The following GPC5 variants were observed in gnomAD, a reference collection of about 807,000 sequenced individuals.
The protein encoded by GPC5 is glypican 5, also known as glypican-5.
A neutral mutation model predicts 53.9 loss-of-function variants in GPC5; 47 were observed. That is an observed-to-expected ratio of 0.87 (90% CI 0.69 to 1.11). The LOEUF (loss-of-function observed/expected upper bound fraction) is 1.11. GPC5 is among the 50% of genes most tolerant of loss of function. GPC5 has a pLI of 0.00. For missense variants in GPC5, 748 were observed against 713.1 expected (o/e 1.05, Z -0.56); for synonymous variants, 286 against 263.3 (o/e 1.09, Z -0.84).
chr13:91,731,158 G>T (rs531045139), intron 4 of GPC5, among the ~76,000 whole-genome samples: 93 of 152,336 alleles, frequency 6.1e-4, no homozygotes, highest in Non-Finnish European at 1.1e-3. Flanking sequence ...GGAGGTAAAA[G>T]AATTTGCCAA....
chr13:91,959,021 A>G (rs1354374877), intron 6 of GPC5, among the ~76,000 whole-genome samples: 1 of 151,146 alleles, frequency 6.6e-6, no homozygotes, highest in Non-Finnish European at 1.5e-5. Context: ...GGAAAGGAAT[A>G]ACAAAGATCC....
intron 7 of GPC5, among the ~76,000 whole-genome samples, chr13:92,379,175 T>C (rs2043718127): frequency 1.3e-5 from 2 of 152,224 alleles, no homozygotes; most frequent in South Asian, 4.1e-4. Flanking sequence ...AGAGACATTC[T>C]CTTGAAACTC....
At chr13:92,776,007 C>T (rs1320821758) in intron 7 of GPC5, among the ~76,000 whole-genome samples, 1 of 152,162 alleles carries the variant, frequency 6.6e-6, no homozygotes, top group Non-Finnish European at 1.5e-5. Context: ...GGATTAGTTT[C>T]CTACAGGCGC....
chr13:91,872,501 A>T (rs1278293299), intron 5 of GPC5, among the ~76,000 whole-genome samples: 1 of 152,184 alleles, frequency 6.6e-6, no homozygotes, highest in Non-Finnish European at 1.5e-5. Flanking sequence ...AAAGATGGTT[A>T]TAGAACCTGA....
At chr13:92,418,613 C>G (rs1876424667) in intron 7 of GPC5, among the ~76,000 whole-genome samples, 1 of 152,058 alleles carries the variant, frequency 6.6e-6, no homozygotes. Flanking sequence ...ATAATATATG[C>G]TCATAAATTT....
chr13:92,363,099 C>T (rs546096900), intron 7 of GPC5, among the ~76,000 whole-genome samples: 160 of 151,700 alleles, frequency 1.1e-3, no homozygotes, highest in South Asian at 7.0e-3. Context: ...GAGAGAATCC[C>T]CTTAAGCCTT....
chr13:91,874,369 G>C (rs1014405953), intron 5 of GPC5, among the ~76,000 whole-genome samples: 22 of 151,786 alleles, frequency 1.4e-4, no homozygotes, highest in Non-Finnish European at 3.1e-4. Context: ...ACCTTTATAG[G>C]ATGTAGTCAG....
intron 1 of GPC5, among the ~76,000 whole-genome samples, chr13:91,435,495 T>C (rs1488409755): frequency 6.6e-6 from 1 of 152,236 alleles, no homozygotes; most frequent in Non-Finnish European, 1.5e-5. Context: ...TGTTTATTGA[T>C]TTGCGTATGT....
chr13:91,986,061 C>CTTTTTTTTTTTTTTTTTTTTTTT (rs779259362), intron 6 of GPC5, among the ~76,000 whole-genome samples: 1 of 95,438 alleles, frequency 1.0e-5, no homozygotes, highest in Non-Finnish European at 1.9e-5. Flanking sequence ...TTAGCCAATA[C>CTTTTTTTTTTTTTTTTTTTTTTT]TTTTTTTTTT....
At chr13:92,655,332 T>TA (rs150187547) in intron 7 of GPC5, among the ~76,000 whole-genome samples, 2 of 133,872 alleles carry the variant, frequency 1.5e-5, no homozygotes, top group African/African-American at 2.7e-5. Flanking sequence ...TTTATTTATT[T>TA]TATTTTTATT....
At chr13:92,674,825 G>C (rs1453333123) in intron 7 of GPC5, among the ~76,000 whole-genome samples, 8 of 152,020 alleles carry the variant, frequency 5.3e-5, no homozygotes, top group Admixed American at 5.2e-4. Flanking sequence ...TCACTTTAGA[G>C]AGAAAATAGC....
chr13:92,015,146 G>C (rs1356926976), intron 6 of GPC5, among the ~76,000 whole-genome samples: 1 of 152,116 alleles, frequency 6.6e-6, no homozygotes, highest in Non-Finnish European at 1.5e-5. Flanking sequence ...TTTCCTCGGG[G>C]AAAGGGTTGG....
At chr13:91,741,831 T>C (rs1027052907) in intron 4 of GPC5, among the ~76,000 whole-genome samples, 1 of 152,144 alleles carries the variant, frequency 6.6e-6, no homozygotes. Context: ...TATTCATAGG[T>C]CTGAAAAAAT....
intron 6 of GPC5, among the ~76,000 whole-genome samples, chr13:91,932,158 C>T (rs2039828095): frequency 6.6e-6 from 1 of 151,908 alleles, no homozygotes; most frequent in African/African-American, 2.4e-5. Context: ...GCAAAGAATC[C>T]AATGTTGTAT....
intron 2 of GPC5, among the ~76,000 whole-genome samples, chr13:91,577,712 G>A (rs141855212): frequency 6.6e-6 from 1 of 152,112 alleles, no homozygotes; most frequent in African/African-American, 2.4e-5. Flanking sequence ...CTAAACGTTT[G>A]TTACTATGGA....
At chr13:92,482,997 G>A (rs1162183372) in intron 7 of GPC5, among the ~76,000 whole-genome samples, 4 of 152,234 alleles carry the variant, frequency 2.6e-5, no homozygotes, top group Middle Eastern at 3.4e-3. Flanking sequence ...GCAAAGGCAC[G>A]TCTTACATGG....
chr13:92,047,861 T>C (rs962713215), intron 6 of GPC5, among the ~76,000 whole-genome samples: 8 of 147,820 alleles, frequency 5.4e-5, no homozygotes, highest in Non-Finnish European at 8.9e-5. Context: ...CGTGGTGGCA[T>C]GCACCTGTAA....
At position 92,837,444 on chromosome 13, in the gene GPC5, T is replaced by C. The variant is rs150883047; in HGVS notation, c.1562-28838T>C. On this transcript the variant is annotated intron_variant, in intron 7 of 7. Coordinates refer to ENST00000377067, the MANE Select transcript of GPC5 (RefSeq NM_004466.6). ...TCTTAAAAAGATGAGTTGATTTATA[T>C]AGCAGATTTAACTTGCCCTTTACTT... 1.1e-3 allele frequency among the ~76,000 whole-genome samples: 162 copies of C among 152,300 alleles called. 1 individual carries two copies. Among genetic ancestry groups the C allele is most frequent in the African/African-American group, 3.8e-3 (160 of 41,574 alleles).
chr13:92,171,644 T>C (rs1006770556), intron 7 of GPC5, among the ~76,000 whole-genome samples: 2 of 152,216 alleles, frequency 1.3e-5, no homozygotes, highest in Non-Finnish European at 2.9e-5. Context: ...GAATTATGTT[T>C]TTCCTTGACC....
Sources: allele counts gnomAD v4.1 joint callset (sites outside exome capture counted in the v4.1 genomes callset), GRCh38; gene constraint gnomAD v4.1.1; transcripts MANE v1.5; gene names NCBI Gene and HGNC (gene_info 2026-07-23, HGNC 2026-07-21).